Variants in SIPA1L2 observed in about 807,000 individuals in gnomAD.
The protein encoded by SIPA1L2 is signal induced proliferation associated 1 like 2, also known as signal-induced proliferation-associated 1-like protein 2.
A neutral mutation model predicts 163.9 loss-of-function variants in SIPA1L2; 56 were observed. The observed-to-expected ratio is 0.34, with a 90% CI of 0.28 to 0.43. SIPA1L2 has a LOEUF of 0.43. Ranked by LOEUF, SIPA1L2 falls within the 20% of genes least tolerant of loss-of-function variation. The pLI is 1.00. For synonymous variants in SIPA1L2, 877 were observed against 865.7 expected (o/e 1.01, Z -0.23); for missense variants, 1,974 against 2,193.5 (o/e 0.90, Z 2.00).
chr1:232,578,725 T>C (rs1345651644), intron 1 of SIPA1L2, among the ~76,000 whole-genome samples: 1 of 152,222 alleles, frequency 6.6e-6, no homozygotes, highest in African/African-American at 2.4e-5. Flanking sequence ...AAGGCACTTT[T>C]CCTTCCTTTG....
intron 6 of SIPA1L2, among the ~76,000 whole-genome samples, chr1:232,483,111 A>C (rs1665447402): frequency 6.6e-6 from 1 of 152,194 alleles, no homozygotes; most frequent in African/African-American, 2.4e-5. Flanking sequence ...CTATGTGTAG[A>C]TATTAGACAA....
chr1:232,498,521 T>C (rs949336957), intron 3 of SIPA1L2, among the ~76,000 whole-genome samples: 1 of 152,160 alleles, frequency 6.6e-6, no homozygotes, highest in Admixed American at 6.6e-5. Context: ...CAGAAGTCAG[T>C]TTCAATAAGC....
intron 22 of SIPA1L2, among the ~76,000 whole-genome samples, chr1:232,400,762 GCCTCTCCATCGCTTTCTCT>G (rs1235680783): frequency 3.9e-5 from 6 of 152,058 alleles, no homozygotes; most frequent in African/African-American, 1.2e-4. Flanking sequence ...TGGCCGTTCA[GCCTCTCCATCGCTTTCTCT>G]CAGTGATCTT....
chr1:232,580,861 A>C (rs1660335905), intron 1 of SIPA1L2, among the ~76,000 whole-genome samples: 2 of 152,166 alleles, frequency 1.3e-5, no homozygotes, highest in Admixed American at 1.3e-4. Flanking sequence ...AAATATGTCA[A>C]AGTATATTTC....
chr1:232,399,364 T>TACTTTGA, intron 22 of SIPA1L2, 91 bp from the exon 23 acceptor site: 1 of 1,403,994 alleles, frequency 7.1e-7, no homozygotes, highest in East Asian at 2.4e-5. Flanking sequence ...GATTCTTATT[T>TACTTTGA]TTACTTATGT....
At chr1:232,588,037 A>G (rs1310133454) in intron 1 of SIPA1L2, among the ~76,000 whole-genome samples, 1 of 152,216 alleles carries the variant, frequency 6.6e-6, no homozygotes, top group African/African-American at 2.4e-5. Flanking sequence ...CTTTATCAGC[A>G]GCAGGAAAAC....
At chr1:232,572,744 T>C (rs1465682119) in intron 2 of SIPA1L2, among the ~76,000 whole-genome samples, 5 of 95,988 alleles carry the variant, frequency 5.2e-5, no homozygotes, top group Non-Finnish European at 1.1e-4. Context: ...CATACATATA[T>C]ATATATATAT....
At chr1:232,553,393 G>A (rs1658516449) in intron 2 of SIPA1L2, among the ~76,000 whole-genome samples, 1 of 152,178 alleles carries the variant, frequency 6.6e-6, no homozygotes, top group Admixed American at 6.5e-5. Context: ...GGGGGGCGTA[G>A]TGGGCCAAAA....
chr1:232,406,539 C>G, intron 19 of SIPA1L2, among the ~76,000 whole-genome samples: 1 of 152,348 alleles, frequency 6.6e-6, no homozygotes, highest in East Asian at 1.9e-4. Context: ...GACTGCAAGT[C>G]ACTCCCATGA....
intron 7 of SIPA1L2, 41 bp from the exon 8 acceptor site, chr1:232,471,569 T>G: frequency 1.3e-6 from 2 of 1,527,766 alleles, no homozygotes; most frequent in Non-Finnish European, 1.8e-6. Flanking sequence ...AAGTTTTTCT[T>G]TAAAACAAAA....
At chr1:232,430,932 C>T (rs558642658) in intron 16 of SIPA1L2, among the ~76,000 whole-genome samples, 8 of 152,164 alleles carry the variant, frequency 5.3e-5, no homozygotes, top group South Asian at 4.1e-4. Flanking sequence ...ACACAACCTG[C>T]GACTCAAGAG....
At chr1:232,591,114 C>A (rs544339463) in intron 1 of SIPA1L2, among the ~76,000 whole-genome samples, 17 of 152,318 alleles carry the variant, frequency 1.1e-4, no homozygotes, top group Admixed American at 3.3e-4. Context: ...CCTTACTGAC[C>A]TCCAGCACCC....
intron 5 of SIPA1L2, among the ~76,000 whole-genome samples, chr1:232,484,534 A>G (rs559706740): frequency 3.0e-4 from 45 of 152,328 alleles, no homozygotes; most frequent in African/African-American, 1.1e-3. Flanking sequence ...TTTTGTTGCC[A>G]TAAAAAAGTA....
In SIPA1L2 at chr1:232,471,543, G is replaced by A. The variant is rs761351856; in HGVS notation, c.2086-15C>T. 6.3e-7 allele frequency: 1 copy of A among 1,585,234 alleles called. No homozygotes were observed. Among genetic ancestry groups the A allele is most frequent in the Non-Finnish European group, 8.6e-7 (1 of 1,169,326 alleles). ...TTCCTCAGTAGCTGTGGTCAAGAAA[G>A]TGAAGAGTTACAAATAAGTTTTTCT... is the stretch of plus-strand genomic sequence containing the variant. On this transcript the variant is annotated splice_polypyrimidine_tract_variant and intron_variant, in intron 7 of 22. Transcript: ENST00000674635.
intron 19 of SIPA1L2, among the ~76,000 whole-genome samples, chr1:232,408,234 G>C (rs910146998): frequency 1.3e-5 from 2 of 151,018 alleles, no homozygotes; most frequent in Admixed American, 6.6e-5. Context: ...TTACAGCATG[G>C]GGGAGGCACA....
intron 2 of SIPA1L2, among the ~76,000 whole-genome samples, chr1:232,516,296 G>C (rs1335477947): frequency 6.6e-6 from 1 of 152,208 alleles, no homozygotes. Context: ...ATACATTGCA[G>C]TAGTGAGATA....
chr1:232,501,857 G>A (rs1398955316), intron 3 of SIPA1L2, among the ~76,000 whole-genome samples: 1 of 152,130 alleles, frequency 6.6e-6, no homozygotes. Flanking sequence ...GCAGGAGGCC[G>A]GCTCTCTCAA....
chr1:232,556,821 G>C (rs1658738248), intron 2 of SIPA1L2, among the ~76,000 whole-genome samples: 1 of 151,842 alleles, frequency 6.6e-6, no homozygotes. Context: ...AAAAGTTAAA[G>C]CACACTTCTT....
chr1:232,483,939 G>C lies in SIPA1L2; in HGVS notation c.1834C>G (p.Leu612Val), dbSNP rs766718684. The C allele has an allele frequency of 6.2e-7, 1 of 1,612,890 alleles. No individual in the cohort carries two copies. The change falls in exon 6 of 23, where the codon CTT (leucine) becomes GTT (valine). Residue 612 changes from leucine to valine, a missense_variant. By Grantham distance (32) the Leu-to-Val change is conservative. Coordinates refer to ENST00000674635, the MANE Select transcript of SIPA1L2 (RefSeq NM_020808.5). ...GTGCTCTGGCCTGCTTTGCAATAAA[G>C]GATCCCGATCTTGTGCTGAAAGCTC... ...GLSFQHKIGILYCKAGQSTEE... is the reference protein window; with the variant it reads ...GLSFQHKIGIVYCKAGQSTEE...
Sources: allele counts gnomAD v4.1 joint callset (sites outside exome capture counted in the v4.1 genomes callset), GRCh38; gene constraint gnomAD v4.1.1; transcripts MANE v1.5; gene names NCBI Gene and HGNC (gene_info 2026-07-23, HGNC 2026-07-21).